Variants in RASD2 observed in about 807,000 individuals in gnomAD.
The protein encoded by RASD2 is GTP-binding protein Rhes.
A neutral mutation model predicts 15.8 loss-of-function variants in RASD2; 7 were observed. That is an observed-to-expected ratio of 0.44 (90% CI 0.25 to 0.83). RASD2 has a LOEUF of 0.83. RASD2 is among the 40% of genes least tolerant of loss of function. The pLI, the probability that RASD2 is intolerant of heterozygous loss-of-function variation, is 0.20. For synonymous variants in RASD2, 155 were observed against 153.6 expected, an observed-to-expected ratio of 1.01 and a Z score of -0.07; for missense variants, 274 against 382.8, an observed-to-expected ratio of 0.72 and a Z score of 2.37.
At chr22:35,533,574 G>T in the RASD2 span, among the ~76,000 whole-genome samples, 1 of 151,240 alleles carries the variant, frequency 6.6e-6, no homozygotes, top group Non-Finnish European at 1.5e-5. Flanking sequence ...GGTGGTGATG[G>T]TGGTAAGGGT....
At chr22:35,540,810 C>T (rs1469410566), upstream of RASD2, 1 of 152,282 alleles carries the variant, frequency 6.6e-6, no homozygotes, top group African/African-American at 2.4e-5. Flanking sequence ...TTCAAGGCCC[C>T]CTCCCACACG....
intron 2 of RASD2, among the ~76,000 whole-genome samples, chr22:35,549,509 C>G (rs908646357): frequency 6.6e-6 from 1 of 152,314 alleles, no homozygotes; most frequent in Non-Finnish European, 1.5e-5. Context: ...GTCAAGGCCA[C>G]GAGTCCTCAG....
the RASD2 span, among the ~76,000 whole-genome samples, chr22:35,534,681 T>G: frequency 2.6e-5 from 4 of 152,372 alleles, no homozygotes; most frequent in East Asian, 7.7e-4. Flanking sequence ...CACAAAGGGC[T>G]GCCCTGTATG....
rs1484798984 is a variant in RASD2 at position 35,541,286 on chromosome 22, C to T, written c.-224C>T. The T allele has an allele frequency of 1.3e-5, 2 of 151,976 alleles. No individual in the cohort carries two copies. Among genetic ancestry groups the T allele is most frequent in the African/African-American group, 4.8e-5 (2 of 41,386 alleles). The allele number at this position is 151,976 out of a possible 1,614,324, so 9.4% of individuals were successfully genotyped here. On this transcript the variant is annotated 5_prime_UTR_variant, in exon 1 of 3. Transcript: ENST00000216127. Reference sequence around the variant, plus strand: ...CCGGGCCCCGCCGAGCCCTCGGAGCCCACCCATGGGGCACCTGCCCCTTGC... The same window carrying T: ...CCGGGCCCCGCCGAGCCCTCGGAGCTCACCCATGGGGCACCTGCCCCTTGC...
intron 1 of RASD2, 171 bp from the exon 2 acceptor site, chr22:35,546,630 G>A: frequency 2.7e-6 from 1 of 370,994 alleles, no homozygotes; most frequent in Non-Finnish European, 3.7e-6. Context: ...GAGTAAAGGA[G>A]AGGGCATGAA....
At position 35,541,170 on chromosome 22, in the gene RASD2, TC is replaced by T. The variant is rs1934337170; in HGVS notation, c.-336del. 6.6e-6 allele frequency: 1 copy of T among 151,730 alleles called. No individual in the cohort carries two copies. The highest frequency in any genetic ancestry group is 2.1e-4 in the South Asian group (1 of 4,810). 9.4% of individuals were successfully genotyped at this position (151,730 alleles called of 1,614,324 possible). ...CAGGCGGGGACCCCCGGATCGGACGTCCCCAAGCCTCCGGGCACCTGGCTCA... is the reference window on the plus strand; with the variant it reads ...CAGGCGGGGACCCCCGGATCGGACGTCCCAAGCCTCCGGGCACCTGGCTCA... On this transcript the variant is annotated 5_prime_UTR_variant, in exon 1 of 3. Coordinates refer to ENST00000216127, the MANE Select transcript of RASD2 (RefSeq NM_014310.4).
At chr22:35,535,003 G>A in the RASD2 span, among the ~76,000 whole-genome samples, 210 of 152,322 alleles carry the variant, frequency 1.4e-3, no homozygotes, top group African/African-American at 4.8e-3. Context: ...ACTGCCCACT[G>A]ATTGACAAGT....
At chr22:35,549,069 A>C (rs948066817) in intron 2 of RASD2, among the ~76,000 whole-genome samples, 1 of 152,238 alleles carries the variant, frequency 6.6e-6, no homozygotes, top group African/African-American at 2.4e-5. Context: ...ATTTTCAGTG[A>C]CACAAGTAAT....
Position 35,547,367 on chromosome 22 carries a change from A to G in RASD2, c.271+287A>G, listed in dbSNP as rs140831243. Among the ~76,000 whole-genome samples, 95 of 152,298 alleles carry G rather than the reference A, an allele frequency of 6.2e-4. No individual in the cohort carries two copies. The East Asian group carries it at 0.017, about 28-fold the overall frequency. Reference sequence around the variant, plus strand: ...GCCCCAGGGATATTCCTTTCTAGGGAACAGAATGATGCCCTGGCTGCTGCT... The same window carrying G: ...GCCCCAGGGATATTCCTTTCTAGGGGACAGAATGATGCCCTGGCTGCTGCT... On this transcript the variant is annotated intron_variant, in intron 2 of 2. Transcript: ENST00000216127.
intron 2 of RASD2, among the ~76,000 whole-genome samples, chr22:35,547,430 C>T (rs1490795431): frequency 6.6e-6 from 1 of 152,194 alleles, no homozygotes. Flanking sequence ...AGCTCCAGGG[C>T]CCAAGGTCAG....
intron 2 of RASD2, among the ~76,000 whole-genome samples, chr22:35,550,214 G>A (rs536164733): frequency 6.6e-6 from 1 of 152,058 alleles, no homozygotes; most frequent in Non-Finnish European, 1.5e-5. Flanking sequence ...AGTGAGCTGA[G>A]ATCTTGCCAT....
At chr22:35,545,343 A>G (rs900157752) in intron 1 of RASD2, among the ~76,000 whole-genome samples, 2 of 152,218 alleles carry the variant, frequency 1.3e-5, no homozygotes, top group African/African-American at 2.4e-5. Flanking sequence ...GAGGCACTCA[A>G]GGAAACCGAC....
chr22:35,532,876 A>G, the RASD2 span, among the ~76,000 whole-genome samples: 1 of 152,156 alleles, frequency 6.6e-6, no homozygotes, highest in South Asian at 2.1e-4. Flanking sequence ...CAGGTCAGAA[A>G]CAGGAGGTGT....
At chr22:35,540,197 C>A (rs1032928613), upstream of RASD2, among the ~76,000 whole-genome samples, 4 of 152,276 alleles carry the variant, frequency 2.6e-5, no homozygotes, top group East Asian at 7.7e-4. Context: ...GCTGGAGACC[C>A]CGGCCGAGTG....
At chr22:35,549,363 G>A (rs551931487) in intron 2 of RASD2, among the ~76,000 whole-genome samples, 22 of 152,208 alleles carry the variant, frequency 1.4e-4, no homozygotes, top group Middle Eastern at 3.4e-3. Context: ...CAACCTGGTG[G>A]AACCTCATTT....
chr22:35,550,440 C>CAA (rs397838574), intron 2 of RASD2, among the ~76,000 whole-genome samples: 831 of 63,760 alleles, frequency 0.013, 19 homozygotes, highest in Non-Finnish European at 0.015. Context: ...GACTCCATCT[C>CAA]AAAAAAAAAA....
At position 35,552,209 on chromosome 22, in the gene RASD2, C is replaced by T. The variant is rs1601819335; in HGVS notation, c.*177C>T. ...CATTCGTCTGCCTTCTCACAGCTTT[C>T]CTGAGTCCGCTTGTCCACAGCTCCT... On this transcript the variant is annotated 3_prime_UTR_variant, in exon 3 of 3. Transcript: ENST00000216127. The T allele has an allele frequency of 1.0e-5, 8 of 772,616 alleles. No homozygotes were observed. In the South Asian group the frequency reaches 1.5e-4, roughly 15 times the overall value. The allele number at this position is 772,616 out of a possible 1,614,324, so 47.9% of individuals were successfully genotyped here. A position where few individuals can be genotyped will look rare whatever the true frequency, so the allele number is the denominator to read the frequency against.
At chr22:35,543,243 C>T (rs1030919923) in intron 1 of RASD2, among the ~76,000 whole-genome samples, 2 of 152,172 alleles carry the variant, frequency 1.3e-5, no homozygotes, top group Non-Finnish European at 2.9e-5. Flanking sequence ...CTGGCTTCCA[C>T]CTGTCCTCAG....
Position 35,551,149 on chromosome 22 carries a change from G to A in RASD2, c.272-354G>A, listed in dbSNP as rs945601335. 2.6e-4 allele frequency among the ~76,000 whole-genome samples: 40 copies of A among 152,182 alleles called. No individual in the cohort carries two copies. Among genetic ancestry groups the A allele is most frequent in the African/African-American group, 9.7e-4 (40 of 41,436 alleles). On this transcript the variant is annotated intron_variant, in intron 2 of 2. Coordinates refer to ENST00000216127, the MANE Select transcript of RASD2 (RefSeq NM_014310.4). The surrounding 1 kb of genome is among the most constrained non-coding windows in gnomAD (Gnocchi z 4.9). The stretch of plus-strand genomic sequence containing the variant: ...GCAGGACCCCTGCTCTCATAGAAAT[G>A]ATTTTTATTATTATCTGAACACAGT...
Sources: gnomAD v4.1 joint callset for allele counts (sites outside exome capture counted in the v4.1 genomes callset) on GRCh38, gnomAD v4.1.1 for gene constraint, Gnocchi (gnomAD v3.1) non-coding constraint, MANE v1.5 for transcripts, NCBI Gene and HGNC (gene_info 2026-07-23, HGNC 2026-07-21) for gene names.